PTPN21: variants seen among roughly 807,000 people sequenced by gnomAD.
PTPN21 encodes the protein tyrosine-protein phosphatase non-receptor type 21.
A neutral mutation model predicts 131.8 loss-of-function variants in PTPN21; 77 were observed. That is an observed-to-expected ratio of 0.58 (90% CI 0.49 to 0.71). PTPN21 has a LOEUF of 0.71. Ranked by LOEUF, PTPN21 falls within the 30% of genes least tolerant of loss-of-function variation. The pLI, the probability that PTPN21 is intolerant of heterozygous loss-of-function variation, is 0.00. For synonymous variants in PTPN21, 715 were observed against 621.3 expected (o/e 1.15, Z -2.24); for missense variants, 1,552 against 1,527.1 (o/e 1.02, Z -0.27).
rs781781597 is a variant in PTPN21 at position 88,479,491 on chromosome 14, A to G, written c.1940T>C (p.Leu647Pro). The change falls in exon 13 of 19, where the codon CTG becomes CCG. Residue 647 changes from leucine to proline, a missense_variant. Around this residue, in one of 4 missense-constraint regions of PTPN21, gnomAD observed 1,016 missense variants for 883.5 expected, o/e 1.15. Coordinates refer to ENST00000556564, the MANE Select transcript of PTPN21 (RefSeq NM_007039.4). ...SIEVAGLSHG[L>P]EGLRLKERTL... ...GCGCTCCTTGAGCCGCAGGCCCTCCAGGCCGTGGCTGAGCCCGGCCACCTC... is the reference window on the plus strand; with the variant it reads ...GCGCTCCTTGAGCCGCAGGCCCTCCGGGCCGTGGCTGAGCCCGGCCACCTC... 5.0e-6 allele frequency: 8 copies of G among 1,601,288 alleles called. No individual in the cohort carries two copies. The highest frequency in any genetic ancestry group is 2.2e-5 in the South Asian group (2 of 91,014).
intron 2 of PTPN21, among the ~76,000 whole-genome samples, chr14:88,528,456 C>T (rs1566845614): frequency 1.3e-5 from 2 of 152,164 alleles, no homozygotes; most frequent in South Asian, 2.1e-4. Flanking sequence ...AACTTCATCA[C>T]TGTTTGTGTA....
At chr14:88,493,293 A>G (rs73315964) in intron 10 of PTPN21, 6,307 of 332,644 alleles carry the variant, frequency 0.019, 385 homozygotes, top group African/African-American at 0.13. Flanking sequence ...GAGTGGTGTC[A>G]AGGACTAAGC....
rs72695831 is a variant in PTPN21 at position 88,469,476 on chromosome 14, G to A, written c.3235+23C>T. 164 of 1,572,564 alleles carry A rather than the reference G, an allele frequency of 1.0e-4. No individual in the cohort carries two copies. The highest frequency in any genetic ancestry group is 6.3e-4 in the African/African-American group (47 of 74,044). On this transcript the variant is annotated intron_variant, in intron 17 of 18. Transcript: ENST00000556564. This position sits in a 1 kb window ranked among gnomAD's most constrained non-coding sequence, Gnocchi z 4.3. Reference sequence around the variant, plus strand: ...AACACCTCCAGAGGCAGCTGTCCTCGGAACAAAGTTAAAGTCACTCACATA... The same window carrying A: ...AACACCTCCAGAGGCAGCTGTCCTCAGAACAAAGTTAAAGTCACTCACATA...
At chr14:88,482,180 C>A (rs181612188) in intron 12 of PTPN21, among the ~76,000 whole-genome samples, 6 of 152,184 alleles carry the variant, frequency 3.9e-5, no homozygotes, top group African/African-American at 1.4e-4. Flanking sequence ...GGGTGCAGAG[C>A]GGCACTGGCA....
At chr14:88,543,625 CA>C (rs2078735794) in intron 2 of PTPN21, among the ~76,000 whole-genome samples, 1 of 152,278 alleles carries the variant, frequency 6.6e-6, no homozygotes, top group Non-Finnish European at 1.5e-5. Context: ...CTCCAGTCAA[CA>C]AGAGTCCTAC....
At chr14:88,549,939 C>G (rs2078837027) in intron 2 of PTPN21, among the ~76,000 whole-genome samples, 1 of 152,094 alleles carries the variant, frequency 6.6e-6, no homozygotes, top group African/African-American at 2.4e-5. Flanking sequence ...GCGCCCACCA[C>G]CACGTCCGGC....
At chr14:88,474,834 G>A (rs922632856) in intron 13 of PTPN21, among the ~76,000 whole-genome samples, 1 of 152,198 alleles carries the variant, frequency 6.6e-6, no homozygotes, top group Non-Finnish European at 1.5e-5. Context: ...AGTTGACCAG[G>A]TGCGGGGGAT....
At chr14:88,484,135 C>T (rs541228431) in intron 12 of PTPN21, among the ~76,000 whole-genome samples, 14 of 151,970 alleles carry the variant, frequency 9.2e-5, no homozygotes, top group Non-Finnish European at 1.9e-4. Context: ...CCTCCACCCC[C>T]ACCTTGGGCT....
At chr14:88,482,914 T>C (rs1390363256) in intron 12 of PTPN21, among the ~76,000 whole-genome samples, 1 of 151,232 alleles carries the variant, frequency 6.6e-6, no homozygotes, top group East Asian at 2.0e-4. Flanking sequence ...GAGAGTACTC[T>C]TATAAGTCAG....
chr14:88,491,441 G>A lies in PTPN21; in HGVS notation c.932+4972C>T, dbSNP rs534881015. ...CCAAAGCAGATGTCCAGAAGCCACC[G>A]TCCAGTTCCAGGCCAGGGGCAGTTT... On this transcript the variant is annotated intron_variant, in intron 10 of 18. Coordinates refer to ENST00000556564, the MANE Select transcript of PTPN21 (RefSeq NM_007039.4). Among the ~76,000 whole-genome samples, 4 of 152,268 alleles carry A rather than the reference G, an allele frequency of 2.6e-5. 1 individual carries two copies. Among genetic ancestry groups the A allele is most frequent in the South Asian group, 2.1e-4 (1 of 4,824 alleles).
rs144460321 is a variant in PTPN21, at chr14:88,479,563, G to A, written c.1868C>T (p.Pro623Leu). ...CTGCGCGTGGCGCGCGGCGGTGAGG[G>A]GCTCGCTGACCTCCTGCAGCGAGTG... Reference protein sequence around the residue: ...VAHSLQEVSEPLTAARHAQLH... With the variant: ...VAHSLQEVSELLTAARHAQLH... Residue 623 changes from proline to leucine, a missense_variant, in exon 13 of 19, where the codon CCC (proline) becomes CTC (leucine). Coordinates refer to ENST00000556564, the MANE Select transcript of PTPN21 (RefSeq NM_007039.4). 238 of 1,597,912 alleles carry A rather than the reference G, an allele frequency of 1.5e-4. No individual in the cohort carries two copies. Among genetic ancestry groups the A allele is most frequent in the Non-Finnish European group, 2.0e-4 (230 of 1,178,354 alleles).
intron 7 of PTPN21, 37 bp from the exon 8 acceptor site, chr14:88,500,908 G>A: frequency 6.8e-7 from 1 of 1,469,936 alleles, no homozygotes; most frequent in South Asian, 1.1e-5. Context: ...CACCCAGGAA[G>A]CAGATGCAGA....
chr14:88,519,839 C>G (rs922653080), intron 2 of PTPN21, among the ~76,000 whole-genome samples: 6 of 152,164 alleles, frequency 3.9e-5, no homozygotes, highest in Non-Finnish European at 8.8e-5. Context: ...ATATTTTGAA[C>G]ATTTCCTATG....
intron 2 of PTPN21, among the ~76,000 whole-genome samples, chr14:88,519,402 T>G (rs1030267467): frequency 6.6e-6 from 1 of 152,188 alleles, no homozygotes; most frequent in Non-Finnish European, 1.5e-5. Flanking sequence ...ACTTGAAATG[T>G]GGTAGTGCCA....
intron 12 of PTPN21, among the ~76,000 whole-genome samples, chr14:88,481,625 G>A (rs752203814): frequency 3.3e-5 from 5 of 152,230 alleles, no homozygotes; most frequent in South Asian, 2.1e-4. Context: ...ATTCAAGGAA[G>A]GGAGAAGAGA....
intron 10 of PTPN21, among the ~76,000 whole-genome samples, chr14:88,492,084 C>A (rs1208661703): frequency 6.6e-6 from 1 of 151,614 alleles, no homozygotes; most frequent in Admixed American, 6.6e-5. Context: ...CACTAACCAC[C>A]AACCAATATG....
At chr14:88,495,321 T>C (rs1341454030) in intron 10 of PTPN21, among the ~76,000 whole-genome samples, 1 of 152,182 alleles carries the variant, frequency 6.6e-6, no homozygotes, top group Non-Finnish European at 1.5e-5. Flanking sequence ...AGAGTGGTAT[T>C]GAGGACTAAG....
intron 4 of PTPN21, among the ~76,000 whole-genome samples, chr14:88,505,594 AC>A (rs1429077085): frequency 6.6e-6 from 1 of 152,198 alleles, no homozygotes; most frequent in Non-Finnish European, 1.5e-5. Context: ...AAATAAAAAA[AC>A]AAGTTGCAAG....
intron 2 of PTPN21, among the ~76,000 whole-genome samples, chr14:88,517,661 CACAT>C (rs1315990418): frequency 6.8e-6 from 1 of 146,330 alleles, no homozygotes; most frequent in African/African-American, 2.5e-5. Flanking sequence ...TGTATATATA[CACAT>C]ACACACACAT....
Sources: gnomAD v4.1 joint callset for allele counts (sites outside exome capture counted in the v4.1 genomes callset) on GRCh38, gnomAD v4.1.1 for gene constraint, gnomAD v4.1.1 regional missense constraint, Gnocchi (gnomAD v3.1) non-coding constraint, MANE v1.5 for transcripts, NCBI Gene and HGNC (gene_info 2026-07-23, HGNC 2026-07-21) for gene names.